The following SEMA5A variants were observed in gnomAD, a reference collection of about 807,000 sequenced individuals.
The protein encoded by SEMA5A is semaphorin 5A.
Under a neutral mutation model 135.5 loss-of-function variants are expected in SEMA5A, and 55 were observed. That is an observed-to-expected ratio of 0.41 (90% CI 0.33 to 0.51). The LOEUF (loss-of-function observed/expected upper bound fraction) is 0.51. Among genes scored for constraint, SEMA5A ranks in the 20% least tolerant of loss-of-function variants. The pLI, the probability that SEMA5A is intolerant of heterozygous loss-of-function variation, is 0.37. For synonymous variants in SEMA5A, 580 were observed against 546.5 expected (o/e 1.06, Z -0.85); for missense variants, 1,290 against 1,419.9 (o/e 0.91, Z 1.47).
At chr5:9,255,804 C>T (rs146653259) in intron 5 of SEMA5A, among the ~76,000 whole-genome samples, 172 of 152,314 alleles carry the variant, frequency 1.1e-3, no homozygotes, top group Middle Eastern at 3.4e-3. Context: ...AGTATTAATT[C>T]TTCCACCTCT....
At chr5:9,088,325 AAAAG>A (rs1478145804) in intron 16 of SEMA5A, among the ~76,000 whole-genome samples, 2 of 150,366 alleles carry the variant, frequency 1.3e-5, no homozygotes, top group African/African-American at 4.9e-5. Context: ...AAAAGAAAAG[AAAAG>A]AAAGAAAGTA....
At chr5:9,179,951 G>T (rs925133172) in intron 11 of SEMA5A, among the ~76,000 whole-genome samples, 5 of 152,188 alleles carry the variant, frequency 3.3e-5, no homozygotes, top group Admixed American at 6.5e-5. Flanking sequence ...TGAAATCAAG[G>T]TATCAGGAGA....
chr5:9,083,167 A>G (rs1738483040), intron 16 of SEMA5A, among the ~76,000 whole-genome samples: 1 of 152,204 alleles, frequency 6.6e-6, no homozygotes, highest in Non-Finnish European at 1.5e-5. Context: ...ATTTCATTGT[A>G]TGCAAATATT....
At chr5:9,447,138 C>A (rs1758462025) in intron 1 of SEMA5A, among the ~76,000 whole-genome samples, 4 of 152,222 alleles carry the variant, frequency 2.6e-5, no homozygotes, top group Admixed American at 2.0e-4. Context: ...TTAGAATTTT[C>A]TAGCTACACA....
At chr5:9,535,146 G>C (rs762659568) in intron 1 of SEMA5A, among the ~76,000 whole-genome samples, 1 of 152,170 alleles carries the variant, frequency 6.6e-6, no homozygotes, top group East Asian at 1.9e-4. Flanking sequence ...TATGCAGCAA[G>C]ACAAACCTCA....
At chr5:9,337,626 G>C (rs932799161) in intron 4 of SEMA5A, 87 bp downstream of exon 4, 1 of 802,036 alleles carries the variant, frequency 1.2e-6, no homozygotes, top group South Asian at 1.6e-5. Flanking sequence ...GCATTCTTCA[G>C]TTTTGTCAGT....
At chr5:9,184,744 A>T (rs187033164) in intron 11 of SEMA5A, among the ~76,000 whole-genome samples, 144 of 152,166 alleles carry the variant, frequency 9.5e-4, no homozygotes, top group Middle Eastern at 3.4e-3. Context: ...AACTCTGGGT[A>T]CTGACTTTAT....
At chr5:9,274,846 A>C (rs1487713807) in intron 5 of SEMA5A, among the ~76,000 whole-genome samples, 1 of 152,190 alleles carries the variant, frequency 6.6e-6, no homozygotes, top group Admixed American at 6.5e-5. Flanking sequence ...GTAGAGGGAA[A>C]TTTATGGCAC....
chr5:9,467,408 G>A (rs780358863), intron 1 of SEMA5A, among the ~76,000 whole-genome samples: 17 of 152,046 alleles, frequency 1.1e-4, no homozygotes, highest in Admixed American at 2.6e-4. Context: ...CACCGCGCCC[G>A]GCTGCATGAA....
intron 16 of SEMA5A, among the ~76,000 whole-genome samples, chr5:9,073,052 C>A (rs1737854823): frequency 6.6e-6 from 1 of 152,066 alleles, no homozygotes; most frequent in Admixed American, 6.5e-5. Context: ...AAAATATTTG[C>A]AGATAATTGC....
At chr5:9,511,876 G>T (rs1736223799) in intron 1 of SEMA5A, 1 of 152,158 alleles carries the variant, frequency 6.6e-6, no homozygotes, top group Non-Finnish European at 1.5e-5. Flanking sequence ...TTAACAACTA[G>T]AAAACAAACA....
intron 1 of SEMA5A, among the ~76,000 whole-genome samples, chr5:9,451,326 A>C (rs1250815621): frequency 6.6e-6 from 1 of 152,198 alleles, no homozygotes; most frequent in African/African-American, 2.4e-5. Context: ...TCCTCATTCA[A>C]ATGGAAAGCT....
chr5:9,508,845 A>G (rs192781669), intron 1 of SEMA5A, among the ~76,000 whole-genome samples: 1 of 152,262 alleles, frequency 6.6e-6, no homozygotes, highest in East Asian at 1.9e-4. Flanking sequence ...CTTCTCCGTC[A>G]CTGTATTCTC....
intron 2 of SEMA5A, among the ~76,000 whole-genome samples, chr5:9,414,239 A>G (rs1454568809): frequency 6.6e-6 from 1 of 152,224 alleles, no homozygotes; most frequent in African/African-American, 2.4e-5. Context: ...CATTAATTTC[A>G]TTTACAATAA....
intron 16 of SEMA5A, among the ~76,000 whole-genome samples, chr5:9,084,579 C>A (rs1738574674): frequency 6.6e-6 from 1 of 152,160 alleles, no homozygotes; most frequent in Non-Finnish European, 1.5e-5. Flanking sequence ...TGTCTCCTGC[C>A]ATGTGAGATA....
At chr5:9,124,345 C>G (rs1740990147) in intron 13 of SEMA5A, among the ~76,000 whole-genome samples, 2 of 152,118 alleles carry the variant, frequency 1.3e-5, no homozygotes, top group African/African-American at 2.4e-5. Context: ...GGCAGTGCTG[C>G]TGGAAGGAGA....
At chr5:9,524,142 C>T (rs578175748) in intron 1 of SEMA5A, among the ~76,000 whole-genome samples, 1 of 152,188 alleles carries the variant, frequency 6.6e-6, no homozygotes, top group African/African-American at 2.4e-5. Flanking sequence ...TAGTTCTTCT[C>T]CCTTTGAGTT....
At chr5:9,057,339 C>T (rs916138924) in intron 18 of SEMA5A, among the ~76,000 whole-genome samples, 5 of 152,234 alleles carry the variant, frequency 3.3e-5, no homozygotes, top group African/African-American at 7.2e-5. Context: ...CTCATTTCAA[C>T]GGTTCCATAA....
intron 1 of SEMA5A, among the ~76,000 whole-genome samples, chr5:9,527,152 T>C (rs1424307083): frequency 6.6e-6 from 1 of 151,498 alleles, no homozygotes; most frequent in East Asian, 1.9e-4. Context: ...GTGGGAGGAG[T>C]GAGCACTTAC....
Sources: allele counts gnomAD v4.1 joint callset (sites outside exome capture counted in the v4.1 genomes callset), GRCh38; gene constraint gnomAD v4.1.1; transcripts MANE v1.5; gene names NCBI Gene and HGNC (gene_info 2026-07-23, HGNC 2026-07-21).